SETX: variants seen among roughly 807,000 people sequenced by gnomAD.
SETX encodes senataxin.
Under a neutral mutation model 227.2 loss-of-function variants are expected in SETX, and 90 were observed. The observed-to-expected ratio is 0.40, with a 90% confidence interval of 0.33 to 0.47. The LOEUF is 0.47. Ranked by LOEUF, SETX falls within the 20% of genes least tolerant of loss-of-function variation. The pLI is 0.91. For synonymous variants in SETX, 1,210 were observed against 1,113.2 expected (o/e 1.09, Z -1.73); for missense variants, 3,052 against 3,181.5 (o/e 0.96, Z 0.98).
upstream of SETX, among the ~76,000 whole-genome samples, chr9:132,356,698 G>A (rs1195675263): frequency 6.6e-6 from 1 of 152,188 alleles, no homozygotes; most frequent in Admixed American, 6.5e-5. Context: ...CGAGGATGAG[G>A]AGCAAGCCCA....
intron 11 of SETX, among the ~76,000 whole-genome samples, chr9:132,306,505 C>T (rs1202507355): frequency 6.6e-6 from 1 of 152,122 alleles, no homozygotes; most frequent in East Asian, 1.9e-4. Flanking sequence ...AGCCACTGTG[C>T]CCAGCCGAGT....
At chr9:132,313,042 T>C (rs548502989) in intron 10 of SETX, among the ~76,000 whole-genome samples, 2 of 152,320 alleles carry the variant, frequency 1.3e-5, no homozygotes, top group African/African-American at 2.4e-5. Flanking sequence ...GGCAGATTTA[T>C]AGACAGACGA....
chr9:132,288,071 G>C (rs1844028232), intron 17 of SETX, among the ~76,000 whole-genome samples, 165 bp downstream of exon 17: 1 of 152,170 alleles, frequency 6.6e-6, no homozygotes, highest in Non-Finnish European at 1.5e-5. Context: ...ACCTACTCGG[G>C]AGGCTGAGGC....
At position 132,328,578 on chromosome 9, in the gene SETX, T is replaced by C; in HGVS notation, c.3020A>G (p.Asp1007Gly). ...CFTANQNNVG[D>G]TSRGQVIIIS... The stretch of plus-strand genomic sequence containing the variant: ...AATAATAACCTGTCCACGGGAGGTA[T>C]CTCCAACATTATTTTGGTTAGCTGT... The change falls in exon 10 of 26, where the codon GAT (aspartate) becomes GGT (glycine). Residue 1007 changes from aspartate to glycine, a missense_variant. Physicochemically the swap from Asp to Gly is moderately conservative, Grantham distance 94. This residue lies in a region of SETX where 1,483 missense variants were observed against 1,312.0 expected (regional missense o/e 1.13). Coordinates refer to ENST00000224140, the MANE Select transcript of SETX (RefSeq NM_015046.7). 3 of 1,613,716 alleles carry C rather than the reference T, an allele frequency of 1.9e-6. No homozygotes were observed. The highest frequency in any genetic ancestry group is 2.5e-6 in the Non-Finnish European group (3 of 1,179,906).
Position 132,281,226 on chromosome 9 carries a change from T to C in SETX, c.6654+241A>G, listed in dbSNP as rs114195946. On this transcript the variant is annotated intron_variant, in intron 20 of 25. Coordinates refer to ENST00000224140, the MANE Select transcript of SETX (RefSeq NM_015046.7). ...CTTGGTTTCCATGGCACGTCATCCA[T>C]CTAGGCTTCCAAGTCCCTGCCACAC... 5.4e-3 allele frequency among the ~76,000 whole-genome samples: 829 copies of C among 152,318 alleles called. 8 individuals carry two copies. Among genetic ancestry groups the C allele is most frequent in the African/African-American group, 0.018 (769 of 41,568 alleles).
intron 11 of SETX, among the ~76,000 whole-genome samples, chr9:132,304,582 G>A (rs965421085): frequency 1.3e-5 from 2 of 151,086 alleles, no homozygotes; most frequent in African/African-American, 4.9e-5. Context: ...GCAGTGAGCT[G>A]GGATTGCGCC....
chr9:132,264,459 C>T lies in SETX; in HGVS notation c.7814G>A (p.Arg2605Gln), dbSNP rs543247171. 173 of 1,613,900 alleles carry T rather than the reference C, an allele frequency of 1.1e-4. 2 individuals carry two copies. The South Asian group carries it at 1.4e-3, about 13-fold the overall frequency. Reference sequence around the variant, plus strand: ...GGGACTGGCAGCTGGAGGTTCGCCCCGCACGGGAGGTTTGTGGCTGCTCAG... The same window carrying T: ...GGGACTGGCAGCTGGAGGTTCGCCCTGCACGGGAGGTTTGTGGCTGCTCAG... ...AALSSHKPPV[R>Q]GEPPAASPEA... The change falls in exon 26 of 26, where the codon CGG (arginine) becomes CAG (glutamine). Residue 2605 changes from arginine (R) to glutamine (Q), a missense_variant. Arg to Gln is a conservative substitution (Grantham distance 43). Coordinates refer to ENST00000224140, the MANE Select transcript of SETX (RefSeq NM_015046.7).
In SETX at chr9:132,336,407, C is replaced by T; in HGVS notation, c.607G>A (p.Gly203Arg). Reference protein sequence around the residue: ...LLCLFKVIELGLLESPDIYTS... With the variant: ...LLCLFKVIELRLLESPDIYTS... ...TAAATGTCTGGACTCTCTAAAAGCC[C>T]CAACTCAATGACTTTAAAAAGGCAA... Residue 203 changes from glycine (G) to arginine (R), a missense_variant, in exon 6 of 26, where the codon GGG becomes AGG. Around this residue, in one of 10 missense-constraint regions of SETX, gnomAD observed 239 missense variants for 240.8 expected, o/e 0.99. Coordinates refer to ENST00000224140, the MANE Select transcript of SETX (RefSeq NM_015046.7). 6.2e-7 allele frequency: 1 copy of T among 1,613,934 alleles called. No homozygotes were observed.
At chr9:132,277,624 A>AAATACAAAAAT (rs1843233192) in intron 21 of SETX, among the ~76,000 whole-genome samples, 1 of 151,982 alleles carries the variant, frequency 6.6e-6, no homozygotes, top group Non-Finnish European at 1.5e-5. Flanking sequence ...ACAAAAAGAA[A>AAATACAAAAAT]AATACAAAAA....
chr9:132,351,161 T>A (rs72765833), intron 2 of SETX, among the ~76,000 whole-genome samples: 1 of 152,314 alleles, frequency 6.6e-6, no homozygotes, highest in Non-Finnish European at 1.5e-5. Context: ...TGTTTTTTTT[T>A]CCGGTAACCT....
chr9:132,273,548 G>T (rs999317517), intron 23 of SETX, among the ~76,000 whole-genome samples: 6 of 152,130 alleles, frequency 3.9e-5, no homozygotes, highest in African/African-American at 1.4e-4. Context: ...TATTTATTCC[G>T]AAGTGTTTTA....
At chr9:132,267,480 A>G (rs1842702117) in intron 25 of SETX, among the ~76,000 whole-genome samples, 1 of 152,384 alleles carries the variant, frequency 6.6e-6, no homozygotes, top group East Asian at 1.9e-4. Flanking sequence ...GAGGAAATCA[A>G]ACGCTTTAAT....
In SETX at chr9:132,326,341, A is replaced by G; in HGVS notation, c.5257T>C (p.Leu1753=). ...ATACTTACTGTTTCAAAAGTATTCAATACCATCAAAGGGAAAAAAACATTA... is the reference window on the plus strand; with the variant it reads ...ATACTTACTGTTTCAAAAGTATTCAGTACCATCAAAGGGAAAAAAACATTA... ...YFNVFFPLMV[L]NTFETVAQEW... is the part of the protein sequence containing the mutation. The change falls in exon 10 of 26, where the codon TTG becomes CTG. Residue 1753 remains leucine, a synonymous_variant. Coordinates refer to ENST00000224140, the MANE Select transcript of SETX (RefSeq NM_015046.7). 6.2e-7 allele frequency: 1 copy of G among 1,609,978 alleles called. No individual in the cohort carries two copies. The highest frequency in any genetic ancestry group is 8.5e-7 in the Non-Finnish European group (1 of 1,176,944).
At chr9:132,322,954 T>G (rs1846459007) in intron 10 of SETX, among the ~76,000 whole-genome samples, 1 of 151,762 alleles carries the variant, frequency 6.6e-6, no homozygotes, top group Non-Finnish European at 1.5e-5. Context: ...TTCAACGGAC[T>G]TAGGAGAAAA....
At chr9:132,292,266 A>G (rs1844367022) in intron 15 of SETX, among the ~76,000 whole-genome samples, 1 of 151,960 alleles carries the variant, frequency 6.6e-6, no homozygotes, top group Non-Finnish European at 1.5e-5. Flanking sequence ...CTGTCTCTAC[A>G]ACAAAAATTT....
At chr9:132,282,358 C>G (rs868022480) in intron 19 of SETX, among the ~76,000 whole-genome samples, 1 of 150,366 alleles carries the variant, frequency 6.7e-6, no homozygotes, top group Non-Finnish European at 1.5e-5. Context: ...AGGGCAATGA[C>G]ATGATCGTTG....
At chr9:132,323,035 GAGA>G (rs746289673) in intron 10 of SETX, among the ~76,000 whole-genome samples, 1 of 152,048 alleles carries the variant, frequency 6.6e-6, no homozygotes, top group Non-Finnish European at 1.5e-5. Flanking sequence ...TAAAGAAAAT[GAGA>G]AGATTAAAGA....
intron 11 of SETX, among the ~76,000 whole-genome samples, chr9:132,303,504 A>T (rs1018742039): frequency 6.6e-6 from 1 of 151,880 alleles, no homozygotes; most frequent in Non-Finnish European, 1.5e-5. Context: ...GGATACAAAA[A>T]GCATTTTGAT....
At chr9:132,285,135 C>T (rs1290862308) in intron 18 of SETX, among the ~76,000 whole-genome samples, 1 of 152,030 alleles carries the variant, frequency 6.6e-6, no homozygotes, top group Non-Finnish European at 1.5e-5. Context: ...CCTCGGCCTC[C>T]CAAAGTGCTG....
Sources: allele counts gnomAD v4.1 joint callset (sites outside exome capture counted in the v4.1 genomes callset), GRCh38; gene constraint gnomAD v4.1.1; regional missense constraint gnomAD v4.1.1; transcripts MANE v1.5; gene names NCBI Gene and HGNC (gene_info 2026-07-23, HGNC 2026-07-21).